The following CHN2 variants were observed in gnomAD, a reference collection of about 807,000 sequenced individuals.
The protein encoded by CHN2 is chimerin 2.
A neutral mutation model predicts 56.3 loss-of-function variants in CHN2; 35 were observed. The ratio of observed to expected loss-of-function variants is 0.62; its 90% confidence interval spans 0.47 to 0.82. The LOEUF is 0.82. Among genes scored for constraint, CHN2 ranks in the 40% least tolerant of loss-of-function variants. The probability of loss-of-function intolerance (pLI) is 0.00; values close to 1 mark genes in which losing one functional copy is unlikely to be tolerated. For synonymous variants in CHN2, 210 were observed against 212.8 expected (o/e 0.99, Z 0.12); for missense variants, 491 against 580.5 (o/e 0.85, Z 1.58).
intron 2 of CHN2, among the ~76,000 whole-genome samples, chr7:29,178,540 GAC>G (rs1797657607): frequency 6.6e-6 from 1 of 152,096 alleles, no homozygotes; most frequent in South Asian, 2.1e-4. Context: ...TCCTCCGAGA[GAC>G]GTTGCCTGAC....
At chr7:29,265,882 CAT>C (rs1261642425) in intron 1 of CHN2, among the ~76,000 whole-genome samples, 2 of 152,200 alleles carry the variant, frequency 1.3e-5, no homozygotes, top group East Asian at 1.9e-4. Context: ...TTGACTGTCA[CAT>C]GAGTGAAGAG....
At chr7:29,463,756 C>G (rs967557818) in intron 6 of CHN2, among the ~76,000 whole-genome samples, 1 of 152,192 alleles carries the variant, frequency 6.6e-6, no homozygotes, top group African/African-American at 2.4e-5. Flanking sequence ...TGGGCTCTGA[C>G]TAGCAAGACA....
chr7:29,316,105 G>A (rs1229897693), intron 1 of CHN2, among the ~76,000 whole-genome samples: 1 of 152,146 alleles, frequency 6.6e-6, no homozygotes, highest in Non-Finnish European at 1.5e-5. Flanking sequence ...GACAGGTTGG[G>A]CCATGTGAAC....
chr7:29,209,210 G>A (rs1784746693), intron 1 of CHN2, among the ~76,000 whole-genome samples: 1 of 152,104 alleles, frequency 6.6e-6, no homozygotes, highest in African/African-American at 2.4e-5. Flanking sequence ...ACGGAACAGG[G>A]TTCTGTTAAG....
chr7:29,450,610 G>T (rs558539468), intron 6 of CHN2, among the ~76,000 whole-genome samples: 2 of 152,128 alleles, frequency 1.3e-5, no homozygotes, highest in Non-Finnish European at 2.9e-5. Flanking sequence ...CACAGCCCTC[G>T]ATTGCAGCCC....
intron 1 of CHN2, among the ~76,000 whole-genome samples, chr7:29,256,997 C>T (rs891773803): frequency 2.0e-5 from 3 of 152,142 alleles, no homozygotes; most frequent in Admixed American, 6.6e-5. Context: ...AAATACATCC[C>T]GAGTAAGGCA....
intron 2 of CHN2, among the ~76,000 whole-genome samples, chr7:29,180,954 A>G (rs987664022): frequency 5.3e-5 from 8 of 152,254 alleles, no homozygotes; most frequent in Non-Finnish European, 7.3e-5. Flanking sequence ...ACTGGTACCC[A>G]GTACTTACTA....
At chr7:29,157,859 G>T (rs1430107138) in intron 2 of CHN2, among the ~76,000 whole-genome samples, 2 of 152,146 alleles carry the variant, frequency 1.3e-5, no homozygotes, top group Admixed American at 1.3e-4. Context: ...CTTCTATGTA[G>T]ATTATTAGAA....
At chr7:29,289,847 C>G (rs1208000275) in intron 1 of CHN2, among the ~76,000 whole-genome samples, 1 of 152,216 alleles carries the variant, frequency 6.6e-6, no homozygotes, top group Non-Finnish European at 1.5e-5. Flanking sequence ...AGAACTGAAG[C>G]TTTCTCCCCT....
intron 7 of CHN2, among the ~76,000 whole-genome samples, chr7:29,494,289 G>T (rs1788992246): frequency 6.7e-6 from 1 of 150,336 alleles, no homozygotes. Context: ...TTTTTTTTCT[G>T]GAGTTGCATT....
At chr7:29,359,236 A>T (rs188210262) in intron 2 of CHN2, among the ~76,000 whole-genome samples, 2 of 152,340 alleles carry the variant, frequency 1.3e-5, no homozygotes, top group East Asian at 3.9e-4. Context: ...ACCCTGTATA[A>T]CATGATTGGA....
At chr7:29,488,699 G>T (rs1788314924) in intron 7 of CHN2, among the ~76,000 whole-genome samples, 2 of 150,906 alleles carry the variant, frequency 1.3e-5, no homozygotes, top group South Asian at 2.1e-4. Flanking sequence ...ACCTCCCCCT[G>T]ACCCCTGGGG....
intron 6 of CHN2, among the ~76,000 whole-genome samples, chr7:29,470,937 G>T (rs554548899): frequency 6.6e-6 from 1 of 152,306 alleles, no homozygotes; most frequent in African/African-American, 2.4e-5. Flanking sequence ...ACAGAGAAAA[G>T]CAAATGAATA....
chr7:29,466,466 G>C (rs1785562708), intron 6 of CHN2, among the ~76,000 whole-genome samples: 1 of 152,164 alleles, frequency 6.6e-6, no homozygotes, highest in East Asian at 1.9e-4. Flanking sequence ...AGTTCTCTTG[G>C]CTAAAGATGA....
intron 1 of CHN2, among the ~76,000 whole-genome samples, chr7:29,308,430 G>T (rs1022493558): frequency 4.0e-5 from 6 of 150,110 alleles, no homozygotes; most frequent in Admixed American, 3.3e-4. Flanking sequence ...AATAAAGCAC[G>T]TGTCCCTCAC....
intron 1 of CHN2, among the ~76,000 whole-genome samples, chr7:29,247,843 A>G (rs757002178): frequency 3.3e-5 from 5 of 152,130 alleles, no homozygotes; most frequent in Admixed American, 6.5e-5. Context: ...GCAACCCCCA[A>G]ATCCTCTCTG....
intron 7 of CHN2, among the ~76,000 whole-genome samples, chr7:29,487,176 T>C (rs1023551154): frequency 1.8e-4 from 28 of 151,794 alleles, no homozygotes; most frequent in African/African-American, 6.5e-4. Flanking sequence ...CAGGCAGAAA[T>C]TGGCTTCAGA....
At chr7:29,275,700 A>G (rs574758828) in intron 1 of CHN2, among the ~76,000 whole-genome samples, 2 of 152,228 alleles carry the variant, frequency 1.3e-5, no homozygotes, top group African/African-American at 4.8e-5. Flanking sequence ...CAGAGGAGGA[A>G]AGTGAGGTCT....
At chr7:29,304,320 G>C (rs777674585) in intron 1 of CHN2, among the ~76,000 whole-genome samples, 11 of 152,204 alleles carry the variant, frequency 7.2e-5, no homozygotes, top group Non-Finnish European at 1.6e-4. Flanking sequence ...GATTTATATG[G>C]TGCGAGACGT....
Sources: gnomAD v4.1 joint callset for allele counts (sites outside exome capture counted in the v4.1 genomes callset) on GRCh38, gnomAD v4.1.1 for gene constraint, MANE v1.5 for transcripts, NCBI Gene and HGNC (gene_info 2026-07-23, HGNC 2026-07-21) for gene names.